Variants in ZNF475 observed in about 807,000 individuals in gnomAD.
ZNF475 encodes zinc finger protein 475.
At chr5:122,171,376 T>A in the ZNF475 span, among the ~76,000 whole-genome samples, 2 of 152,290 alleles carry the variant, frequency 1.3e-5, no homozygotes, top group Non-Finnish European at 2.9e-5. Flanking sequence ...TGAGTATCAT[T>A]CCAGGCATCT....
chr5:122,179,595 G>T, the ZNF475 span: 1 of 1,527,616 alleles, frequency 6.5e-7, no homozygotes. Context: ...CTACATTTGT[G>T]GTCGTGAATA....
At chr5:122,182,462 C>G in the ZNF475 span, 1 of 1,373,564 alleles carries the variant, frequency 7.3e-7, no homozygotes. Context: ...TTCTTTTTTT[C>G]TTTTTGCTTT....
At chr5:122,171,324 A>G in the ZNF475 span, among the ~76,000 whole-genome samples, 34 of 152,278 alleles carry the variant, frequency 2.2e-4, no homozygotes, top group East Asian at 5.8e-3. Context: ...AGCCATTAGG[A>G]AAGTATAAAA....
At chr5:122,175,744 C>G in the ZNF475 span, among the ~76,000 whole-genome samples, 1 of 152,054 alleles carries the variant, frequency 6.6e-6, no homozygotes, top group African/African-American at 2.4e-5. Context: ...CCAATTGTGC[C>G]CTTAATCTCA....
At chr5:122,176,512 C>T in the ZNF475 span, among the ~76,000 whole-genome samples, 1 of 152,142 alleles carries the variant, frequency 6.6e-6, no homozygotes, top group African/African-American at 2.4e-5. Context: ...ACAGCTCTAT[C>T]CTCAGATTTA....
the ZNF475 span, among the ~76,000 whole-genome samples, chr5:122,161,955 C>T: frequency 1.8e-3 from 271 of 151,436 alleles, 2 homozygotes; most frequent in African/African-American, 6.1e-3. Flanking sequence ...AAAGCAGAAA[C>T]GGCTCTTATC....
chr5:122,163,386 T>C, the ZNF475 span: 6 of 152,202 alleles, frequency 3.9e-5, no homozygotes, highest in Admixed American at 3.9e-4. Context: ...ACATGTTTAA[T>C]ATTGCAACAT....
At chr5:122,182,555 G>A in the ZNF475 span, 143 of 1,534,746 alleles carry the variant, frequency 9.3e-5, no homozygotes, top group Non-Finnish European at 1.2e-4. Flanking sequence ...ACAGCCAGTT[G>A]GTTCCCTGTA....
the ZNF475 span, chr5:122,162,079 G>A: frequency 6.6e-6 from 1 of 151,916 alleles, no homozygotes; most frequent in Admixed American, 6.5e-5. Context: ...ATGATTTTCA[G>A]CTTTGTAGCT....
chr5:122,173,964 C>T, the ZNF475 span, among the ~76,000 whole-genome samples: 1 of 152,248 alleles, frequency 6.6e-6, no homozygotes, highest in Non-Finnish European at 1.5e-5. Flanking sequence ...CAACCTCAGA[C>T]TTACCGACTT....
the ZNF475 span, among the ~76,000 whole-genome samples, chr5:122,173,819 A>G: frequency 2.0e-5 from 3 of 152,366 alleles, no homozygotes; most frequent in East Asian, 5.8e-4. Flanking sequence ...ATGCACACTT[A>G]CATAGATTTA....
chr5:122,176,099 A>T, the ZNF475 span, among the ~76,000 whole-genome samples: 5 of 152,074 alleles, frequency 3.3e-5, no homozygotes, highest in African/African-American at 1.2e-4. Context: ...TGATGACACC[A>T]TATTTCTGGA....
At chr5:122,169,052 A>G in the ZNF475 span, among the ~76,000 whole-genome samples, 1 of 152,180 alleles carries the variant, frequency 6.6e-6, no homozygotes, top group Non-Finnish European at 1.5e-5. Context: ...TCGTGTTTCC[A>G]TCCTATGTGG....
the ZNF475 span, among the ~76,000 whole-genome samples, chr5:122,168,295 C>T: frequency 1.8e-4 from 28 of 152,324 alleles, no homozygotes; most frequent in African/African-American, 5.8e-4. Context: ...CCGCCCGCCT[C>T]GGCCTCCCCT....
At chr5:122,173,421 C>G in the ZNF475 span, among the ~76,000 whole-genome samples, 1 of 152,252 alleles carries the variant, frequency 6.6e-6, no homozygotes, top group South Asian at 2.1e-4. Context: ...TAATCTTTCT[C>G]CCCTGCTTCA....
the ZNF475 span, among the ~76,000 whole-genome samples, chr5:122,164,249 G>T: frequency 6.6e-6 from 1 of 152,178 alleles, no homozygotes; most frequent in African/African-American, 2.4e-5. Context: ...GGCAGAACAG[G>T]CTGCATAGAG....
chr5:122,168,259 G>A, the ZNF475 span, among the ~76,000 whole-genome samples: 1 of 152,158 alleles, frequency 6.6e-6, no homozygotes, highest in Non-Finnish European at 1.5e-5. Context: ...GGCCAGACTG[G>A]TCTTGAACTC....
the ZNF475 span, among the ~76,000 whole-genome samples, chr5:122,167,257 G>A: frequency 6.6e-6 from 1 of 152,202 alleles, no homozygotes; most frequent in South Asian, 2.1e-4. Context: ...CTCAGGTCCT[G>A]AAACTCTAGG....
chr5:122,168,983 C>T, the ZNF475 span, among the ~76,000 whole-genome samples: 2 of 152,164 alleles, frequency 1.3e-5, no homozygotes, highest in African/African-American at 4.8e-5. Flanking sequence ...AGGCAGAGGG[C>T]CAGGGGAGAC....
Sources: allele counts gnomAD v4.1 joint callset (sites outside exome capture counted in the v4.1 genomes callset), GRCh38; gene constraint gnomAD v4.1.1; transcripts MANE v1.5; gene names NCBI Gene and HGNC (gene_info 2026-07-23, HGNC 2026-07-21).